Variants in HERC6 observed in about 807,000 individuals in gnomAD.
HERC6 encodes probable E3 ubiquitin-protein ligase HERC6.
Under a neutral mutation model 114.5 loss-of-function variants are expected in HERC6, and 101 were observed. The ratio of observed to expected loss-of-function variants is 0.88; its 90% CI spans 0.75 to 1.04. HERC6 has a LOEUF of 1.04. Ranked by LOEUF, HERC6 falls within the 50% of genes least tolerant of loss-of-function variation. The probability of loss-of-function intolerance (pLI) is 0.00; values close to 1 mark genes in which losing one functional copy is unlikely to be tolerated. For missense variants in HERC6, 1,133 were observed against 1,230.9 expected, an observed-to-expected ratio of 0.92 and a Z score of 1.19; for synonymous variants, 408 against 436.2, an observed-to-expected ratio of 0.94 and a Z score of 0.81.
intron 2 of HERC6, among the ~76,000 whole-genome samples, chr4:88,383,763 CAAAAAAAA>C (rs753643806): frequency 1.7e-4 from 5 of 28,740 alleles, no homozygotes; most frequent in Admixed American, 6.2e-4. Flanking sequence ...GACTCAGTCT[CAAAAAAAA>C]AAAAAAAAAA....
intron 1 of HERC6, among the ~76,000 whole-genome samples, chr4:88,381,437 G>C (rs976041094): frequency 1.3e-5 from 2 of 152,070 alleles, no homozygotes; most frequent in African/African-American, 4.8e-5. Flanking sequence ...ATGAACTCAG[G>C]GAAAGTGACT....
chr4:88,424,531 A>T, intron 14 of HERC6, 64 bp from the exon 15 acceptor site: 1 of 1,233,502 alleles, frequency 8.1e-7, no homozygotes, highest in Non-Finnish European at 1.2e-6. Flanking sequence ...CGATAAGGTA[A>T]AGGAAGTAAG....
At chr4:88,423,731 A>G in intron 13 of HERC6, 129 bp from the exon 14 acceptor site, 1 of 429,546 alleles carries the variant, frequency 2.3e-6, no homozygotes, top group Non-Finnish European at 4.2e-6. Flanking sequence ...TTCATCACTG[A>G]CAAATGTTTT....
At chr4:88,420,442 GGAGA>G (rs980384480) in intron 13 of HERC6, among the ~76,000 whole-genome samples, 3 of 152,104 alleles carry the variant, frequency 2.0e-5, no homozygotes, top group African/African-American at 7.2e-5. Context: ...TAGAACAATT[GGAGA>G]GAGAATGACA....
chr4:88,383,082 G>T (rs1339740456), intron 1 of HERC6, 139 bp from the exon 2 acceptor site: 1 of 1,011,406 alleles, frequency 9.9e-7, no homozygotes, highest in East Asian at 2.7e-5. Context: ...ATGGACTTAA[G>T]GTCTTGATTC....
chr4:88,382,509 G>A (rs1287014702), intron 1 of HERC6, among the ~76,000 whole-genome samples: 2 of 152,020 alleles, frequency 1.3e-5, no homozygotes, highest in African/African-American at 4.8e-5. Flanking sequence ...TTTTTTCTGG[G>A]TCTCTTTATT....
At chr4:88,431,123 T>A in intron 16 of HERC6, 39 bp from the exon 17 acceptor site, 6 of 1,572,958 alleles carry the variant, frequency 3.8e-6, no homozygotes, top group Non-Finnish European at 5.2e-6. Context: ...AAACATTGTA[T>A]TTTAAGTCAG....
intron 13 of HERC6, among the ~76,000 whole-genome samples, chr4:88,423,079 A>G (rs551417957): frequency 2.7e-5 from 4 of 145,460 alleles, no homozygotes; most frequent in African/African-American, 1.0e-4. Context: ...TGTTTTTTTT[A>G]AAGTCTTACC....
chr4:88,379,876 T>C (rs1301464641), intron 1 of HERC6, among the ~76,000 whole-genome samples: 3 of 53,520 alleles, frequency 5.6e-5, no homozygotes, highest in African/African-American at 8.2e-5. Flanking sequence ...ATATATATAA[T>C]ATATAAATAT....
At chr4:88,383,129 C>T (rs1734401682) in intron 1 of HERC6, 92 bp from the exon 2 acceptor site, 3 of 1,481,440 alleles carry the variant, frequency 2.0e-6, no homozygotes, top group African/African-American at 2.8e-5. Context: ...TCTGGATGAT[C>T]CTTCTTTTTG....
chr4:88,434,631 T>C (rs1474729519), intron 17 of HERC6, among the ~76,000 whole-genome samples: 1 of 151,896 alleles, frequency 6.6e-6, no homozygotes, highest in East Asian at 1.9e-4. Context: ...AAACTGAGGT[T>C]TAGAGAGATT....
chr4:88,387,935 A>G (rs930769196), intron 3 of HERC6, among the ~76,000 whole-genome samples: 1 of 152,236 alleles, frequency 6.6e-6, no homozygotes, highest in Non-Finnish European at 1.5e-5. Flanking sequence ...CATTCAATGC[A>G]TTTGCTATGG....
At chr4:88,395,645 A>G (rs1350585278) in intron 5 of HERC6, among the ~76,000 whole-genome samples, 1 of 152,134 alleles carries the variant, frequency 6.6e-6, no homozygotes, top group Non-Finnish European at 1.5e-5. Context: ...GCTGTACAAT[A>G]CATCACCAAG....
chr4:88,385,210 C>T (rs1734513841), intron 2 of HERC6, among the ~76,000 whole-genome samples: 1 of 152,046 alleles, frequency 6.6e-6, no homozygotes. Context: ...CTCTTTTAGG[C>T]TATTAAGTGT....
At chr4:88,413,540 A>G (rs1406621616) in intron 12 of HERC6, among the ~76,000 whole-genome samples, 1 of 152,144 alleles carries the variant, frequency 6.6e-6, no homozygotes, top group East Asian at 1.9e-4. Flanking sequence ...TTGACATCAG[A>G]GTTTGGTAGC....
intron 17 of HERC6, among the ~76,000 whole-genome samples, 190 bp downstream of exon 17, chr4:88,431,495 T>G (rs1284083003): frequency 6.6e-6 from 1 of 152,148 alleles, no homozygotes; most frequent in Admixed American, 6.5e-5. Context: ...AAAAGCAGAA[T>G]CTGAGGCCCT....
chr4:88,390,054 T>G (rs1277362799), intron 3 of HERC6, among the ~76,000 whole-genome samples: 1 of 151,374 alleles, frequency 6.6e-6, no homozygotes, highest in East Asian at 1.9e-4. Context: ...TGGCACGCAT[T>G]TGTAATCCCA....
chr4:88,419,632 A>AT (rs921040264), intron 13 of HERC6, among the ~76,000 whole-genome samples: 129 of 152,308 alleles, frequency 8.5e-4, no homozygotes, highest in African/African-American at 2.9e-3. Flanking sequence ...GGTGCCAAAG[A>AT]TTCTGAGAAA....
Position 88,405,558 on chromosome 4 carries a change from A to G in HERC6, c.1219A>G (p.Ile407Val). 6.5e-7 allele frequency: 1 copy of G among 1,538,246 alleles called. No individual in the cohort carries two copies. The highest frequency in any genetic ancestry group is 8.8e-7 in the Non-Finnish European group (1 of 1,132,088). ...CCCTTGTTATTACTTTTACAGTGAA[A>G]TTAGAATGATATTTTCATCTCCTGC... Reference protein sequence around the residue: ...STEHEMAKSEIRMIFSSPACL... With the variant: ...STEHEMAKSEVRMIFSSPACL... The change falls in exon 10 of 23, where the codon ATT (isoleucine) becomes GTT (valine). Residue 407 changes from isoleucine (I) to valine (V), a missense_variant. Ile to Val is a conservative substitution (Grantham distance 29, BLOSUM62 3). This residue lies in a region of HERC6 where 735 missense variants were observed against 754.0 expected (regional missense o/e 0.97). Coordinates refer to ENST00000264346, the MANE Select transcript of HERC6 (RefSeq NM_017912.4).
Sources: gnomAD v4.1 joint callset for allele counts (sites outside exome capture counted in the v4.1 genomes callset) on GRCh38, gnomAD v4.1.1 for gene constraint, gnomAD v4.1.1 regional missense constraint, MANE v1.5 for transcripts, NCBI Gene and HGNC (gene_info 2026-07-23, HGNC 2026-07-21) for gene names.